The following TNNI3K variants were observed in gnomAD, a reference collection of about 807,000 sequenced individuals.
The protein encoded by TNNI3K is TNNI3 interacting kinase.
A neutral mutation model predicts 114.5 loss-of-function variants in TNNI3K; 140 were observed. The ratio of observed to expected loss-of-function variants is 1.22; its 90% confidence interval spans 1.07 to 1.41. The LOEUF is 1.41. Ranked by LOEUF, TNNI3K falls within the 40% of genes most tolerant of loss-of-function variation. The pLI, the probability that TNNI3K is intolerant of heterozygous loss-of-function variation, is 0.00. For missense variants in TNNI3K, 1,125 were observed against 1,007.6 expected (o/e 1.12, Z -1.58); for synonymous variants, 347 against 347.5 (o/e 1.00, Z 0.02).
At chr1:74,496,622 T>C (rs1669340645) in intron 23 of TNNI3K, among the ~76,000 whole-genome samples, 1 of 152,156 alleles carries the variant, frequency 6.6e-6, no homozygotes, top group Non-Finnish European at 1.5e-5. Flanking sequence ...TTATTATTAT[T>C]CTTTATAAAT....
intron 9 of TNNI3K, among the ~76,000 whole-genome samples, chr1:74,350,776 G>C (rs1048655595): frequency 6.1e-5 from 9 of 147,642 alleles, no homozygotes; most frequent in Admixed American, 6.0e-4. Context: ...TTATCCAAGA[G>C]TAGGATTGCA....
chr1:74,383,445 C>A (rs1663308616), intron 17 of TNNI3K, among the ~76,000 whole-genome samples: 1 of 152,056 alleles, frequency 6.6e-6, no homozygotes, highest in South Asian at 2.1e-4. Context: ...CCTCTCTCTT[C>A]TCTGTGCCCC....
rs779628235 is a variant in TNNI3K, at chr1:74,367,296, A to G, written c.1218A>G (p.Arg406=). 2 of 1,612,152 alleles carry G rather than the reference A, an allele frequency of 1.2e-6. No individual in the cohort carries two copies. The highest frequency in any genetic ancestry group is 1.7e-6 in the Non-Finnish European group (2 of 1,178,764). Residue 406 remains arginine, a synonymous_variant, in exon 12 of 25, where the codon AGA becomes AGG. Transcript: ENST00000326637. The part of the protein sequence containing the change: ...AIVTLLKHYK[R]PQDELPCNEY... ...TCACACTCCTGAAGCATTATAAGAG[A>G]CCACAAGATGAATTGCCCTGTAATG...
At chr1:74,262,067 T>C (rs1204699251) in intron 4 of TNNI3K, among the ~76,000 whole-genome samples, 1 of 152,130 alleles carries the variant, frequency 6.6e-6, no homozygotes, top group African/African-American at 2.4e-5. Context: ...GACTTTTTTT[T>C]TCCTCCTTAG....
intron 23 of TNNI3K, among the ~76,000 whole-genome samples, chr1:74,498,368 T>C (rs964139883): frequency 7.9e-5 from 12 of 152,208 alleles, no homozygotes; most frequent in African/African-American, 2.9e-4. Context: ...CATGCCTCAC[T>C]AAAGACCACA....
intron 20 of TNNI3K, among the ~76,000 whole-genome samples, chr1:74,454,043 C>G (rs558603840): frequency 3.9e-4 from 60 of 152,086 alleles, no homozygotes; most frequent in South Asian, 2.1e-3. Flanking sequence ...CCTATCTATA[C>G]CTTAGTTTAT....
In TNNI3K at chr1:74,369,507, A is replaced by G. The variant is rs763924961; in HGVS notation, c.1589A>G (p.Asn530Ser). ...CVIQFVGACL[N>S]DPSQFAIVTQ... is the part of the protein sequence containing the mutation. Reference sequence around the variant, plus strand: ...ATTCAGTTTGTGGGTGCTTGCTTGAATGATCCCAGCCAGTTTGCCATTGTC... The same window carrying G: ...ATTCAGTTTGTGGGTGCTTGCTTGAGTGATCCCAGCCAGTTTGCCATTGTC... The change falls in exon 16 of 25, where the codon AAT (asparagine) becomes AGT (serine). Residue 530 changes from asparagine (N) to serine (S), a missense_variant. Asn to Ser is a conservative substitution (Grantham distance 46, BLOSUM62 1). Transcript: ENST00000326637. The G allele has an allele frequency of 1.4e-5, 23 of 1,612,806 alleles. No homozygotes were observed. The highest frequency in any genetic ancestry group is 2.0e-5 in the Non-Finnish European group (23 of 1,179,212).
At chr1:74,344,588 T>A (rs919743988) in intron 9 of TNNI3K, among the ~76,000 whole-genome samples, 2 of 152,162 alleles carry the variant, frequency 1.3e-5, no homozygotes, top group Non-Finnish European at 2.9e-5. Context: ...AGAACTGATA[T>A]GTACTGGTTG....
At chr1:74,475,446 C>T (rs766576125) in intron 21 of TNNI3K, 106 of 716,994 alleles carry the variant, frequency 1.5e-4, no homozygotes, top group African/African-American at 1.4e-3. Context: ...CTGAACATTC[C>T]GAATGCAGCA....
intron 4 of TNNI3K, among the ~76,000 whole-genome samples, chr1:74,255,061 T>A (rs542947366): frequency 6.6e-6 from 1 of 152,356 alleles, no homozygotes; most frequent in African/African-American, 2.4e-5. Context: ...GTAAACATTA[T>A]GAACTTGTTC....
intron 23 of TNNI3K, among the ~76,000 whole-genome samples, chr1:74,499,979 T>G (rs1049191271): frequency 5.3e-5 from 8 of 152,186 alleles, no homozygotes; most frequent in African/African-American, 1.9e-4. Flanking sequence ...TTCTATCTTT[T>G]TTCCTTTCCT....
chr1:74,311,167 A>G (rs1658973637), intron 5 of TNNI3K, among the ~76,000 whole-genome samples: 1 of 152,170 alleles, frequency 6.6e-6, no homozygotes, highest in Admixed American at 6.5e-5. Flanking sequence ...TGAACTATGT[A>G]TGGTACATGG....
intron 23 of TNNI3K, among the ~76,000 whole-genome samples, chr1:74,528,664 A>C (rs1646539912): frequency 6.6e-6 from 1 of 152,168 alleles, no homozygotes; most frequent in African/African-American, 2.4e-5. Flanking sequence ...TTGGAACTGG[A>C]GATGTTGCTG....
intron 11 of TNNI3K, among the ~76,000 whole-genome samples, chr1:74,363,971 G>GCAT (rs1553136937): frequency 3.0e-5 from 4 of 135,496 alleles, no homozygotes; most frequent in Admixed American, 2.3e-4. Context: ...CAGATGAGGG[G>GCAT]TATTATTATT....
At chr1:74,392,898 G>T (rs1663865443) in intron 17 of TNNI3K, among the ~76,000 whole-genome samples, 1 of 152,168 alleles carries the variant, frequency 6.6e-6, no homozygotes, top group Non-Finnish European at 1.5e-5. Flanking sequence ...AGTGTCTTCA[G>T]GAATACAAAA....
chr1:74,257,456 G>A (rs1007480222), intron 4 of TNNI3K, among the ~76,000 whole-genome samples: 3 of 151,958 alleles, frequency 2.0e-5, no homozygotes, highest in Non-Finnish European at 4.4e-5. Context: ...TTTATTGAAA[G>A]CTAGAAATTA....
chr1:74,264,300 G>C (rs1488712211), intron 4 of TNNI3K, among the ~76,000 whole-genome samples: 1 of 151,778 alleles, frequency 6.6e-6, no homozygotes, highest in African/African-American at 2.4e-5. Context: ...TTTGTGAGTT[G>C]AGCAGTTATT....
chr1:74,424,781 A>G (rs1255538315), intron 17 of TNNI3K, among the ~76,000 whole-genome samples: 1 of 151,944 alleles, frequency 6.6e-6, no homozygotes, highest in African/African-American at 2.4e-5. Context: ...TGAAGAGTCA[A>G]GATGTAATAT....
intron 4 of TNNI3K, among the ~76,000 whole-genome samples, chr1:74,270,599 T>C (rs926494543): frequency 6.6e-6 from 1 of 151,766 alleles, no homozygotes; most frequent in Non-Finnish European, 1.5e-5. Context: ...TTTATGCAGG[T>C]GTGACAGCAT....
Sources: allele counts gnomAD v4.1 joint callset (sites outside exome capture counted in the v4.1 genomes callset), GRCh38; gene constraint gnomAD v4.1.1; transcripts MANE v1.5; gene names NCBI Gene and HGNC (gene_info 2026-07-23, HGNC 2026-07-21).